TNKS: variants seen among roughly 807,000 people sequenced by gnomAD.
The protein encoded by TNKS is tankyrase.
In TNKS, 72 loss-of-function variants were observed where a neutral mutation model predicts 135.8. The observed-to-expected ratio is 0.53, with a 90% confidence interval of 0.44 to 0.64. The LOEUF (loss-of-function observed/expected upper bound fraction) is 0.64, where lower values mean the gene tolerates loss of function less well. Ranked by LOEUF, TNKS falls within the 30% of genes least tolerant of loss-of-function variation. TNKS has a pLI of 0.00. For missense variants in TNKS, 1,769 were observed against 1,674.0 expected (o/e 1.06, Z -0.99); for synonymous variants, 849 against 649.3 (o/e 1.31, Z -4.68).
chr8:9,557,300 C>T (rs796123539), intron 1 of TNKS: 7 of 152,104 alleles, frequency 4.6e-5, no homozygotes, highest in African/African-American at 1.7e-4. Context: ...GGGCAAAAAT[C>T]ATAAAATGAT....
At chr8:9,585,788 T>C (rs1563096336) in intron 2 of TNKS, among the ~76,000 whole-genome samples, 1 of 152,230 alleles carries the variant, frequency 6.6e-6, no homozygotes, top group Non-Finnish European at 1.5e-5. Context: ...ATGCAGAGAC[T>C]GAGGGGATCC....
In TNKS at chr8:9,622,212, G is replaced by A. The variant is rs74601958; in HGVS notation, c.994+6535G>A. ...GTAAGAGATTAATTTCAATTTTCAA[G>A]TGTTGTTTGCACCGTGAAGGAACAG... On this transcript the variant is annotated intron_variant, in intron 3 of 26. Coordinates refer to ENST00000310430, the MANE Select transcript of TNKS (RefSeq NM_003747.3). Among the ~76,000 whole-genome samples the A allele has an allele frequency of 1.9e-3, 289 of 152,244 alleles. 1 individual carries two copies. Among genetic ancestry groups the A allele is most frequent in the African/African-American group, 6.6e-3 (276 of 41,554 alleles).
chr8:9,729,964 A>G (rs1354499379), intron 13 of TNKS, among the ~76,000 whole-genome samples: 1 of 151,880 alleles, frequency 6.6e-6, no homozygotes, highest in Non-Finnish European at 1.5e-5. Context: ...TTTAGTAGAG[A>G]TGAGGTTTCA....
At chr8:9,630,598 C>T (rs1265794171) in intron 3 of TNKS, among the ~76,000 whole-genome samples, 2 of 152,168 alleles carry the variant, frequency 1.3e-5, no homozygotes, top group African/African-American at 4.8e-5. Context: ...GGGGGGAAAA[C>T]ACTTCTTATT....
chr8:9,679,590 C>T (rs1423853033), intron 3 of TNKS, among the ~76,000 whole-genome samples: 1 of 152,066 alleles, frequency 6.6e-6, no homozygotes, highest in Non-Finnish European at 1.5e-5. Context: ...ATGTATTATG[C>T]TTCCCAAGTA....
chr8:9,589,821 C>G (rs1245167494), intron 2 of TNKS, among the ~76,000 whole-genome samples: 1 of 152,200 alleles, frequency 6.6e-6, no homozygotes, highest in Admixed American at 6.5e-5. Context: ...CCATCTCATG[C>G]CTTCAACGAA....
intron 15 of TNKS, 60 bp downstream of exon 15, chr8:9,733,504 T>A (rs2128818664): frequency 7.1e-7 from 1 of 1,416,846 alleles, no homozygotes; most frequent in South Asian, 1.2e-5. Flanking sequence ...GGTTATTACT[T>A]GAAAGTAAGT....
At chr8:9,604,034 T>C (rs928286261) in intron 2 of TNKS, among the ~76,000 whole-genome samples, 3 of 152,056 alleles carry the variant, frequency 2.0e-5, no homozygotes, top group African/African-American at 7.3e-5. Flanking sequence ...TCTTTAAAAA[T>C]GCGAAATTTT....
At chr8:9,711,180 G>A (rs929888487) in intron 11 of TNKS, among the ~76,000 whole-genome samples, 1 of 151,978 alleles carries the variant, frequency 6.6e-6, no homozygotes, top group Non-Finnish European at 1.5e-5. Flanking sequence ...AAAAATCCTA[G>A]CATTTCAATT....
At chr8:9,631,733 G>A (rs889953578) in intron 3 of TNKS, among the ~76,000 whole-genome samples, 75 of 148,856 alleles carry the variant, frequency 5.0e-4, no homozygotes, top group Non-Finnish European at 5.2e-4. Flanking sequence ...CCAAAATAAC[G>A]CTGCAACAAA....
chr8:9,694,943 A>C (rs188990086), intron 5 of TNKS, among the ~76,000 whole-genome samples: 1 of 152,202 alleles, frequency 6.6e-6, no homozygotes, highest in Non-Finnish European at 1.5e-5. Context: ...ATGCTAGGCT[A>C]TTCTGTCTAG....
intron 1 of TNKS, 196 bp downstream of exon 1, chr8:9,556,808 A>G: frequency 1.8e-6 from 1 of 570,906 alleles, no homozygotes; most frequent in South Asian, 2.0e-5. Context: ...GGATAAGTGA[A>G]TCCAAGGAAT....
chr8:9,563,829 A>T (rs1172838719), intron 1 of TNKS, among the ~76,000 whole-genome samples: 1 of 152,108 alleles, frequency 6.6e-6, no homozygotes, highest in Non-Finnish European at 1.5e-5. Flanking sequence ...TTATTCTCCA[A>T]ATTCTTCTTG....
intron 2 of TNKS, among the ~76,000 whole-genome samples, chr8:9,604,503 C>A (rs541813543): frequency 6.6e-6 from 1 of 151,910 alleles, no homozygotes; most frequent in African/African-American, 2.4e-5. Context: ...ACATATATAA[C>A]GTATATTAAG....
chr8:9,621,464 G>A (rs1003684817), intron 3 of TNKS, among the ~76,000 whole-genome samples: 2 of 151,988 alleles, frequency 1.3e-5, no homozygotes, highest in Non-Finnish European at 2.9e-5. Flanking sequence ...GTGCCACCAC[G>A]CTCAGCTAAT....
Position 9,761,501 on chromosome 8 carries a change from T to C in TNKS, c.3154-15T>C. 1 of 1,612,218 alleles carries C rather than the reference T, an allele frequency of 6.2e-7. No individual in the cohort carries two copies. Among genetic ancestry groups the C allele is most frequent in the Admixed American group, 1.7e-5 (1 of 59,620 alleles). On this transcript the variant is annotated splice_polypyrimidine_tract_variant and intron_variant, in intron 20 of 26. Coordinates refer to ENST00000310430, the MANE Select transcript of TNKS (RefSeq NM_003747.3). ...CTGTTAAAGATATCCTAGCTAATTT[T>C]GTTTCATTTTTCAGATTACACTAGA...
At chr8:9,584,957 C>A (rs575057000) in intron 2 of TNKS, among the ~76,000 whole-genome samples, 1 of 151,980 alleles carries the variant, frequency 6.6e-6, no homozygotes, top group South Asian at 2.1e-4. Context: ...ACATGAAGCC[C>A]AGCAAACCAA....
intron 1 of TNKS, chr8:9,558,141 C>A (rs1402244317): frequency 2.0e-5 from 3 of 152,192 alleles, no homozygotes; most frequent in Admixed American, 1.3e-4. Context: ...GGAAACAATA[C>A]TTTCCCTTAA....
Position 9,698,374 on chromosome 8 carries a change from G to GAAAAAA in TNKS, c.1108-6277_1108-6272dup, listed in dbSNP as rs34311181. On this transcript the variant is annotated intron_variant, in intron 5 of 26. Transcript: ENST00000310430. ...GTATCTAAAAGTTAAATTTTAAAATGAAAAAAAAAAAAAAAAAGCTTAAGT... is the reference window on the plus strand; with the variant it reads ...GTATCTAAAAGTTAAATTTTAAAATGAAAAAAAAAAAAAAAAAAAAAAAGCTTAAGT... Among the ~76,000 whole-genome samples the GAAAAAA allele has an allele frequency of 4.7e-3, 461 of 98,730 alleles. 30 individuals are homozygous for GAAAAAA. Among genetic ancestry groups the GAAAAAA allele is most frequent in the African/African-American group, 0.016 (412 of 25,154 alleles). The allele number at this position is 98,730 out of a possible 152,430, so 64.8% of individuals were successfully genotyped here. A position where few individuals can be genotyped will look rare whatever the true frequency, so the allele number is the denominator to read the frequency against.
Sources: allele counts gnomAD v4.1 joint callset (sites outside exome capture counted in the v4.1 genomes callset), GRCh38; gene constraint gnomAD v4.1.1; transcripts MANE v1.5; gene names NCBI Gene and HGNC (gene_info 2026-07-23, HGNC 2026-07-21).